Variants in HCRTR2 observed in about 807,000 individuals in gnomAD.
The protein encoded by HCRTR2 is hypocretin receptor 2.
Under a neutral mutation model 49.0 loss-of-function variants are expected in HCRTR2, and 22 were observed. That is an observed-to-expected ratio of 0.45 (90% CI 0.32 to 0.64). The LOEUF (loss-of-function observed/expected upper bound fraction) is 0.64, where lower values mean the gene tolerates loss of function less well. HCRTR2 is among the 30% of genes least tolerant of loss of function. The probability of loss-of-function intolerance (pLI) is 0.04; values close to 1 mark genes in which losing one functional copy is unlikely to be tolerated. For missense variants in HCRTR2, 491 were observed against 559.4 expected (o/e 0.88, Z 1.23); for synonymous variants, 236 against 205.3 (o/e 1.15, Z -1.28).
intron 1 of HCRTR2, among the ~76,000 whole-genome samples, chr6:55,164,499 T>A (rs1231371900): frequency 6.6e-6 from 1 of 152,098 alleles, no homozygotes; most frequent in Non-Finnish European, 1.5e-5. Context: ...CTGGAAACCA[T>A]CATTCTCAGC....
At chr6:55,137,503 G>T (rs911792650) in intron 1 of HCRTR2, among the ~76,000 whole-genome samples, 2 of 152,076 alleles carry the variant, frequency 1.3e-5, no homozygotes, top group Admixed American at 6.6e-5. Context: ...CAAATTCCAA[G>T]ATCTACTGTG....
chr6:55,215,656 T>A (rs954284641), intron 1 of HCRTR2, among the ~76,000 whole-genome samples: 2 of 152,318 alleles, frequency 1.3e-5, no homozygotes, highest in African/African-American at 4.8e-5. Flanking sequence ...AAATATGTAA[T>A]TTGTGATACT....
rs184451291 is a variant in HCRTR2 at position 55,154,170 on chromosome 6, T to C, written c.-377-20041T>C. Among the ~76,000 whole-genome samples the C allele has an allele frequency of 2.4e-3, 361 of 151,856 alleles. 3 individuals are homozygous for C. The highest frequency in any genetic ancestry group is 8.4e-3 in the African/African-American group (350 of 41,490). ...AAGAAGAAGAGTCTAGGACCAGAAG[T>C]CTTCACAAATGAATTCTACCAAACA... is the stretch of plus-strand genomic sequence containing the variant. On this transcript the variant is annotated intron_variant, in intron 1 of 7. Coordinates refer to the HCRTR2 transcript ENST00000615358.
At chr6:55,127,150 C>T (rs1764291031) in intron 1 of HCRTR2, among the ~76,000 whole-genome samples, 1 of 152,144 alleles carries the variant, frequency 6.6e-6, no homozygotes, top group South Asian at 2.1e-4. Context: ...AGTTCAGTGT[C>T]TGCCCAAACG....
intron 1 of HCRTR2, among the ~76,000 whole-genome samples, chr6:55,231,670 A>G (rs1766117174): frequency 1.3e-5 from 2 of 152,154 alleles, no homozygotes; most frequent in African/African-American, 4.8e-5. Flanking sequence ...AAAGAAATTG[A>G]CTTACTTGTT....
chr6:55,181,197 A>T (rs1480935334), intron 1 of HCRTR2, among the ~76,000 whole-genome samples: 1 of 152,170 alleles, frequency 6.6e-6, no homozygotes, highest in African/African-American at 2.4e-5. Flanking sequence ...TACATCAGAC[A>T]TGAAATGACC....
intron 1 of HCRTR2, among the ~76,000 whole-genome samples, chr6:55,177,459 A>C (rs143786045): frequency 1.3e-5 from 2 of 152,296 alleles, no homozygotes; most frequent in African/African-American, 4.8e-5. Context: ...CCCCTCTGGT[A>C]TAAGTAATTT....
rs143272352 is a variant in HCRTR2 at position 55,174,617 on chromosome 6, C to G, written c.30C>G (p.Pro10=). 68 of 1,614,046 alleles carry G rather than the reference C, an allele frequency of 4.2e-5. No homozygotes were observed. Among genetic ancestry groups the G allele is most frequent in the Middle Eastern group, 3.3e-4 (2 of 6,060 alleles). The change falls in exon 1 of 7, where the codon CCC becomes CCG. Residue 10 remains proline (P), a synonymous_variant. Transcript: ENST00000370862. MSGTKLEDS[P]PCRNWSSASE... ...CCGGCACCAAATTGGAGGACTCCCC[C>G]CCTTGTCGCAACTGGTCATCTGCTT...
Position 55,227,963 on chromosome 6 carries a change from G to A in HCRTR2, c.224-20676G>A, listed in dbSNP as rs113174931. On this transcript the variant is annotated intron_variant, in intron 1 of 6. Coordinates refer to ENST00000370862, the MANE Select transcript of HCRTR2 (RefSeq NM_001384272.1). ...AGTTGGAAGACAAGAGATTATCCAA[G>A]CACTGGTTATAGTCTGAAAGATGAG... Among the ~76,000 whole-genome samples the A allele has an allele frequency of 1.2e-3, 176 of 152,258 alleles. 2 individuals are homozygous for A. Among genetic ancestry groups the A allele is most frequent in the African/African-American group, 4.1e-3 (170 of 41,552 alleles).
At chr6:55,209,071 T>C (rs897935729) in intron 1 of HCRTR2, among the ~76,000 whole-genome samples, 8 of 152,212 alleles carry the variant, frequency 5.3e-5, no homozygotes, top group African/African-American at 1.9e-4. Flanking sequence ...ACTATGTTAA[T>C]ATAATAATAG....
At chr6:55,173,858 G>T (rs1764986948), upstream of HCRTR2, among the ~76,000 whole-genome samples, 1 of 152,190 alleles carries the variant, frequency 6.6e-6, no homozygotes, top group African/African-American at 2.4e-5. Context: ...ATGTCTTAAA[G>T]ACTCGGCAAG....
intron 6 of HCRTR2, 47 bp from the exon 7 acceptor site, chr6:55,282,178 A>T (rs1340540652): frequency 2.2e-6 from 3 of 1,348,140 alleles, no homozygotes; most frequent in Non-Finnish European, 3.2e-6. Context: ...AATTTGTTGA[A>T]GCATTTATGT....
At chr6:55,168,998 T>C (rs1764913595) in intron 1 of HCRTR2, among the ~76,000 whole-genome samples, 1 of 151,946 alleles carries the variant, frequency 6.6e-6, no homozygotes, top group African/African-American at 2.4e-5. Context: ...TCTTCAGTTC[T>C]CAGCTTAAAC....
At chr6:55,147,379 A>G (rs1239828286) in intron 1 of HCRTR2, among the ~76,000 whole-genome samples, 3 of 152,192 alleles carry the variant, frequency 2.0e-5, no homozygotes, top group Non-Finnish European at 4.4e-5. Context: ...TAAGAATACT[A>G]TAAATTTGCA....
chr6:55,208,324 A>ATT (rs1311330557), intron 1 of HCRTR2, among the ~76,000 whole-genome samples: 87 of 140,510 alleles, frequency 6.2e-4, no homozygotes, highest in African/African-American at 2.1e-3. Flanking sequence ...AAAAATAAAA[A>ATT]AATAAAAAAA....
At chr6:55,169,059 C>G (rs1764914311) in intron 1 of HCRTR2, among the ~76,000 whole-genome samples, 2 of 151,624 alleles carry the variant, frequency 1.3e-5, no homozygotes, top group African/African-American at 4.8e-5. Flanking sequence ...AAATAGATGT[C>G]TCTTCTGCTT....
intron 3 of HCRTR2, among the ~76,000 whole-genome samples, chr6:55,256,937 G>A (rs1267789434): frequency 1.3e-5 from 2 of 152,020 alleles, no homozygotes; most frequent in African/African-American, 2.4e-5. Context: ...AAAATGCTGA[G>A]AACACAAATG....
At chr6:55,175,790 G>A (rs1210901775) in intron 1 of HCRTR2, among the ~76,000 whole-genome samples, 3 of 152,032 alleles carry the variant, frequency 2.0e-5, no homozygotes, top group African/African-American at 7.2e-5. Flanking sequence ...CTCCAGAAAA[G>A]GGGCTTTGGA....
intron 3 of HCRTR2, among the ~76,000 whole-genome samples, chr6:55,260,047 T>A (rs758951610): frequency 1.7e-4 from 26 of 152,192 alleles, no homozygotes; most frequent in Non-Finnish European, 2.9e-4. Context: ...ATAATTTGCA[T>A]TTAGCAGTCA....
Sources: allele counts gnomAD v4.1 joint callset (sites outside exome capture counted in the v4.1 genomes callset), GRCh38; gene constraint gnomAD v4.1.1; transcripts MANE v1.5; gene names NCBI Gene and HGNC (gene_info 2026-07-23, HGNC 2026-07-21).